CTNNA3: variants seen among roughly 807,000 people sequenced by gnomAD.
CTNNA3 encodes catenin alpha 3.
In CTNNA3, 76 loss-of-function variants were observed where a neutral mutation model predicts 95.7. The ratio of observed to expected loss-of-function variants is 0.79; its 90% CI spans 0.66 to 0.96. The LOEUF (loss-of-function observed/expected upper bound fraction) is 0.96, where lower values mean the gene tolerates loss of function less well. Ranked by LOEUF, CTNNA3 falls within the 40% of genes least tolerant of loss-of-function variation. CTNNA3 has a pLI of 0.00. For synonymous variants in CTNNA3, 431 were observed against 374.4 expected, an observed-to-expected ratio of 1.15 and a Z score of -1.74; for missense variants, 1,191 against 1,089.8, an observed-to-expected ratio of 1.09 and a Z score of -1.31.
intron 17 of CTNNA3, among the ~76,000 whole-genome samples, chr10:65,930,308 A>G (rs1372154552): frequency 1.3e-5 from 2 of 152,122 alleles, no homozygotes; most frequent in East Asian, 3.9e-4. Context: ...TAAGAAGCCA[A>G]ATGTAAAGCA....
chr10:67,617,349 G>A (rs2133401986), intron 2 of CTNNA3, among the ~76,000 whole-genome samples: 1 of 152,202 alleles, frequency 6.6e-6, no homozygotes, highest in African/African-American at 2.4e-5. Flanking sequence ...GAGCACACAA[G>A]TGGTATTTGG....
At chr10:67,044,485 T>A (rs1266016618) in intron 7 of CTNNA3, among the ~76,000 whole-genome samples, 1 of 152,160 alleles carries the variant, frequency 6.6e-6, no homozygotes, top group Non-Finnish European at 1.5e-5. Context: ...AAATGCAATG[T>A]TAGAAAGATC....
chr10:67,390,599 C>A (rs1185409540), intron 5 of CTNNA3, among the ~76,000 whole-genome samples: 2 of 150,526 alleles, frequency 1.3e-5, no homozygotes, highest in East Asian at 1.9e-4. Context: ...AGAGACACAA[C>A]CAAAAAAGAG....
At chr10:67,080,910 AAAAAAAC>A (rs1237015664) in intron 7 of CTNNA3, among the ~76,000 whole-genome samples, 56 of 148,104 alleles carry the variant, frequency 3.8e-4, no homozygotes, top group African/African-American at 1.2e-3. Context: ...CTCTGTCTGA[AAAAAAAC>A]AAAAAAACAA....
intron 7 of CTNNA3, among the ~76,000 whole-genome samples, chr10:66,958,903 T>C (rs1848974610): frequency 6.6e-6 from 1 of 152,148 alleles, no homozygotes; most frequent in Admixed American, 6.6e-5. Context: ...TCATGAAAGT[T>C]CCCTTTATAG....
intron 9 of CTNNA3, among the ~76,000 whole-genome samples, chr10:66,688,612 A>T (rs1847389478): frequency 6.6e-6 from 1 of 152,104 alleles, no homozygotes; most frequent in Non-Finnish European, 1.5e-5. Flanking sequence ...TCACCTCAGC[A>T]GAAGATTTTT....
chr10:66,452,986 C>T (rs2093474225), intron 11 of CTNNA3, among the ~76,000 whole-genome samples: 1 of 152,124 alleles, frequency 6.6e-6, no homozygotes, highest in African/African-American at 2.4e-5. Flanking sequence ...GAGGCTGAGG[C>T]AGGCGGATCA....
At chr10:66,722,827 G>T (rs1319512515) in intron 9 of CTNNA3, among the ~76,000 whole-genome samples, 1 of 152,006 alleles carries the variant, frequency 6.6e-6, no homozygotes, top group Non-Finnish European at 1.5e-5. Context: ...GTTGTGGCGG[G>T]GGTGGGCGGG....
At chr10:66,508,210 G>GTTTTTTTTTTTT (rs756807793) in intron 11 of CTNNA3, among the ~76,000 whole-genome samples, 2 of 108,422 alleles carry the variant, frequency 1.8e-5, no homozygotes, top group African/African-American at 7.1e-5. Context: ...TTTGTTTTCT[G>GTTTTTTTTTTTT]TTTTTTTTTT....
In CTNNA3 at chr10:66,411,120, A is replaced by G. The variant is rs545222736; in HGVS notation, c.1532-31768T>C. Among the ~76,000 whole-genome samples, 7 of 152,342 alleles carry G rather than the reference A, an allele frequency of 4.6e-5. No homozygotes were observed. The South Asian group carries it at 8.3e-4, about 18-fold the overall frequency. ...TCCTATTTGCTAACAGTGTTTGAAA[A>G]TTAAGAAAGACATGTTAATATGCCT... On this transcript the variant is annotated intron_variant, in intron 11 of 17. Coordinates refer to ENST00000433211, the MANE Select transcript of CTNNA3 (RefSeq NM_013266.4).
chr10:67,555,819 C>A (rs1841220056), intron 3 of CTNNA3, among the ~76,000 whole-genome samples: 2 of 152,282 alleles, frequency 1.3e-5, no homozygotes, highest in South Asian at 4.1e-4. Flanking sequence ...GAGAGGGCAT[C>A]CCTGTCTTGT....
In CTNNA3 at chr10:67,562,929, C is replaced by T. The variant is rs977898390; in HGVS notation, c.293-23260G>A. On this transcript the variant is annotated intron_variant, in intron 3 of 17. Coordinates refer to ENST00000433211, the MANE Select transcript of CTNNA3 (RefSeq NM_013266.4). ...ATAAAATACCTAGGAATCCAACTTA[C>T]AAGGGATGTGAAGGATCTCTTCAAG... Among the ~76,000 whole-genome samples the T allele has an allele frequency of 4.5e-4, 68 of 152,056 alleles. 1 individual carries two copies. Among genetic ancestry groups the T allele is most frequent in the African/African-American group, 1.6e-3 (67 of 41,366 alleles).
At chr10:67,133,328 T>TATATATATATATATAC (rs145659453) in intron 7 of CTNNA3, among the ~76,000 whole-genome samples, 3 of 105,306 alleles carry the variant, frequency 2.8e-5, no homozygotes, top group African/African-American at 3.5e-5. Flanking sequence ...TATATATTTA[T>TATATATATATATATAC]ACACACACAC....
At chr10:67,337,382 C>T (rs574276245) in intron 5 of CTNNA3, among the ~76,000 whole-genome samples, 1 of 152,254 alleles carries the variant, frequency 6.6e-6, no homozygotes, top group East Asian at 1.9e-4. Context: ...CATGATAAAA[C>T]TTGAATGGAG....
intron 10 of CTNNA3, among the ~76,000 whole-genome samples, chr10:66,554,489 G>A (rs917972019): frequency 6.6e-6 from 1 of 152,050 alleles, no homozygotes; most frequent in African/African-American, 2.4e-5. Context: ...TGGCAAATAT[G>A]CCAGAACTTC....
intron 15 of CTNNA3, among the ~76,000 whole-genome samples, chr10:66,013,321 A>G (rs1387440894): frequency 6.6e-6 from 1 of 152,208 alleles, no homozygotes; most frequent in Non-Finnish European, 1.5e-5. Context: ...TATTGAGTGG[A>G]CCAGAACTGA....
At chr10:66,144,335 A>G (rs1196887642) in intron 13 of CTNNA3, among the ~76,000 whole-genome samples, 1 of 152,126 alleles carries the variant, frequency 6.6e-6, no homozygotes, top group African/African-American at 2.4e-5. Context: ...TTATACATGT[A>G]TTGCTTATTT....
intron 7 of CTNNA3, among the ~76,000 whole-genome samples, chr10:67,081,231 G>T (rs1369365527): frequency 1.3e-5 from 2 of 152,118 alleles, no homozygotes; most frequent in East Asian, 3.9e-4. Flanking sequence ...TGTTGGCAGG[G>T]CATTTAAAAT....
At chr10:66,695,968 A>T (rs1847748483) in intron 9 of CTNNA3, among the ~76,000 whole-genome samples, 1 of 151,582 alleles carries the variant, frequency 6.6e-6, no homozygotes, top group Non-Finnish European at 1.5e-5. Flanking sequence ...AGGTATCCAT[A>T]TTCCAAAATA....
Sources: gnomAD v4.1 joint callset for allele counts (sites outside exome capture counted in the v4.1 genomes callset) on GRCh38, gnomAD v4.1.1 for gene constraint, MANE v1.5 for transcripts, NCBI Gene and HGNC (gene_info 2026-07-23, HGNC 2026-07-21) for gene names.